Variants in RBFOX1 observed in about 807,000 individuals in gnomAD.
RBFOX1 encodes the protein RNA binding protein fox-1 homolog 1.
Under a neutral mutation model 57.7 loss-of-function variants are expected in RBFOX1, and 8 were observed. The observed-to-expected ratio is 0.14, with a 90% CI of 0.08 to 0.25. The LOEUF is 0.25. Ranked by LOEUF, RBFOX1 falls within the 10% of genes least tolerant of loss-of-function variation. The pLI, the probability that RBFOX1 is intolerant of heterozygous loss-of-function variation, is 1.00. For synonymous variants in RBFOX1, 326 were observed against 222.4 expected, an observed-to-expected ratio of 1.47 and a Z score of -4.15; for missense variants, 611 against 548.5, an observed-to-expected ratio of 1.11 and a Z score of -1.14.
intron 3 of RBFOX1, among the ~76,000 whole-genome samples, chr16:6,899,619 T>G (rs2153405733): frequency 6.6e-6 from 1 of 152,338 alleles, no homozygotes; most frequent in Middle Eastern, 3.4e-3. Flanking sequence ...AGCCTTAGTT[T>G]TCTCATCTTT....
intron 4 of RBFOX1, among the ~76,000 whole-genome samples, chr16:7,169,448 C>G (rs556203200): frequency 6.6e-6 from 1 of 152,282 alleles, no homozygotes; most frequent in East Asian, 1.9e-4. Flanking sequence ...CCTAGGGTAT[C>G]TGCTAGATTC....
At chr16:6,859,119 A>ATATATATATGTATATATATATATG (rs2058442192) in intron 3 of RBFOX1, among the ~76,000 whole-genome samples, 22 of 82,170 alleles carry the variant, frequency 2.7e-4, no homozygotes, top group Admixed American at 1.3e-3. Flanking sequence ...GTGTATATAT[A>ATATATATATGTATATATATATATG]TATATATATA....
chr16:6,988,096 A>G (rs1416966086), intron 3 of RBFOX1, among the ~76,000 whole-genome samples: 2 of 151,530 alleles, frequency 1.3e-5, no homozygotes, highest in East Asian at 1.9e-4. Flanking sequence ...CAAGAATCAA[A>G]TGTGGATCCA....
intron 2 of RBFOX1, among the ~76,000 whole-genome samples, chr16:6,423,517 C>A (rs79962897): frequency 1.3e-5 from 2 of 152,046 alleles, no homozygotes; most frequent in Non-Finnish European, 2.9e-5. Flanking sequence ...GAGAATTGCT[C>A]GAACCTGGGA....
At chr16:6,040,939 T>C (rs1056041175) in intron 1 of RBFOX1, among the ~76,000 whole-genome samples, 4 of 152,344 alleles carry the variant, frequency 2.6e-5, no homozygotes, top group South Asian at 2.1e-4. Flanking sequence ...TATACCACAG[T>C]TGGCATATCC....
intron 3 of RBFOX1, among the ~76,000 whole-genome samples, chr16:7,045,189 CCAAA>C (rs2047487294): frequency 6.6e-6 from 1 of 152,100 alleles, no homozygotes; most frequent in African/African-American, 2.4e-5. Flanking sequence ...ACTCCCACTT[CCAAA>C]CAAAGGGGTT....
At chr16:5,964,575 A>G (rs984209025) in intron 4 of RBFOX1, among the ~76,000 whole-genome samples, 8 of 152,134 alleles carry the variant, frequency 5.3e-5, no homozygotes, top group African/African-American at 1.9e-4. Flanking sequence ...ATATGTATCT[A>G]TGTGTGTATA....
At chr16:6,359,152 G>C (rs964085001) in intron 2 of RBFOX1, among the ~76,000 whole-genome samples, 3 of 152,150 alleles carry the variant, frequency 2.0e-5, no homozygotes, top group African/African-American at 4.8e-5. Flanking sequence ...GAGTGCAGTG[G>C]CACGATCTCA....
intron 3 of RBFOX1, among the ~76,000 whole-genome samples, chr16:5,683,803 A>G (rs1347368457): frequency 1.3e-5 from 2 of 148,218 alleles, no homozygotes; most frequent in East Asian, 3.9e-4. Context: ...TGTTTTATAT[A>G]TTATATACAA....
At chr16:5,297,427 T>C (rs932796702) in intron 1 of RBFOX1, among the ~76,000 whole-genome samples, 2 of 152,232 alleles carry the variant, frequency 1.3e-5, no homozygotes, top group Non-Finnish European at 2.9e-5. Context: ...TTTTTTATCA[T>C]AGTCGTTCTA....
At chr16:5,842,434 G>C (rs921894734) in intron 3 of RBFOX1, among the ~76,000 whole-genome samples, 1 of 152,138 alleles carries the variant, frequency 6.6e-6, no homozygotes. Flanking sequence ...ATCTGCCTTA[G>C]TTCCCTCATT....
chr16:6,579,688 T>C (rs2097505088), intron 2 of RBFOX1, among the ~76,000 whole-genome samples: 1 of 152,162 alleles, frequency 6.6e-6, no homozygotes, highest in African/African-American at 2.4e-5. Flanking sequence ...CTTTCCTTTA[T>C]AAACACTAAG....
At chr16:6,832,897 C>G (rs1049290253) in intron 3 of RBFOX1, among the ~76,000 whole-genome samples, 2 of 152,200 alleles carry the variant, frequency 1.3e-5, no homozygotes, top group African/African-American at 2.4e-5. Flanking sequence ...GACAGGCGAA[C>G]TAGTGTATCT....
At chr16:7,154,436 G>A (rs1473093471) in intron 4 of RBFOX1, among the ~76,000 whole-genome samples, 1 of 152,162 alleles carries the variant, frequency 6.6e-6, no homozygotes, top group Non-Finnish European at 1.5e-5. Context: ...CATCACAGAA[G>A]GACAATAGAT....
chr16:5,451,502 C>T (rs1446171119), intron 1 of RBFOX1, among the ~76,000 whole-genome samples: 1 of 152,184 alleles, frequency 6.6e-6, no homozygotes, highest in Non-Finnish European at 1.5e-5. Flanking sequence ...TTATTGAGGG[C>T]CTACTAGGTG....
intron 3 of RBFOX1, among the ~76,000 whole-genome samples, chr16:6,862,235 A>G (rs910358618): frequency 2.0e-5 from 3 of 152,178 alleles, no homozygotes; most frequent in Non-Finnish European, 4.4e-5. Context: ...GTTATTGCAC[A>G]TAAGAAACCC....
At chr16:5,389,683 ATTATT>A (rs1391460655) in intron 1 of RBFOX1, among the ~76,000 whole-genome samples, 1 of 147,436 alleles carries the variant, frequency 6.8e-6, no homozygotes, top group Non-Finnish European at 1.5e-5. Flanking sequence ...ATTTTATTTT[ATTATT>A]TTATTTTATG....
intron 1 of RBFOX1, among the ~76,000 whole-genome samples, chr16:6,023,669 C>T (rs1001561712): frequency 1.2e-3 from 181 of 152,286 alleles, no homozygotes; most frequent in African/African-American, 4.2e-3. Flanking sequence ...GAGGGCAGCT[C>T]GTCCTGCCTT....
chr16:7,085,061 T>A (rs1230560266), intron 4 of RBFOX1, among the ~76,000 whole-genome samples: 1 of 152,122 alleles, frequency 6.6e-6, no homozygotes, highest in Non-Finnish European at 1.5e-5. Flanking sequence ...GTAGGTATTA[T>A]ATTGTAAAAG....
Sources: gnomAD v4.1 joint callset for allele counts (sites outside exome capture counted in the v4.1 genomes callset) on GRCh38, gnomAD v4.1.1 for gene constraint, MANE v1.5 for transcripts, NCBI Gene and HGNC (gene_info 2026-07-23, HGNC 2026-07-21) for gene names.